The following CDH12 variants were observed in gnomAD, a reference collection of about 807,000 sequenced individuals.
CDH12 encodes the protein cadherin 12.
Under a neutral mutation model 74.1 loss-of-function variants are expected in CDH12, and 41 were observed. The observed-to-expected ratio is 0.55, with a 90% confidence interval of 0.43 to 0.72. The LOEUF is 0.72. Ranked by LOEUF, CDH12 falls within the 30% of genes least tolerant of loss-of-function variation. The pLI, the probability that CDH12 is intolerant of heterozygous loss-of-function variation, is 0.00. For synonymous variants in CDH12, 399 were observed against 355.0 expected (o/e 1.12, Z -1.39); for missense variants, 945 against 977.2 (o/e 0.97, Z 0.44).
chr5:22,517,840 A>G (rs1330765240), intron 1 of CDH12, among the ~76,000 whole-genome samples: 1 of 152,170 alleles, frequency 6.6e-6, no homozygotes, highest in Non-Finnish European at 1.5e-5. Flanking sequence ...CTAGGCAAAT[A>G]TATATTTTTT....
intron 4 of CDH12, among the ~76,000 whole-genome samples, chr5:22,102,125 G>A (rs530398412): frequency 2.2e-4 from 34 of 152,218 alleles, no homozygotes; most frequent in South Asian, 1.7e-3. Flanking sequence ...GGATATTGGC[G>A]TCAGACTTTC....
At chr5:22,097,784 A>G (rs1178028467) in intron 4 of CDH12, among the ~76,000 whole-genome samples, 2 of 151,272 alleles carry the variant, frequency 1.3e-5, no homozygotes, top group African/African-American at 4.9e-5. Context: ...ACCCCTTTCC[A>G]CCCCATTAAA....
chr5:22,338,194 T>TA (rs949742224), intron 3 of CDH12, among the ~76,000 whole-genome samples: 5 of 152,066 alleles, frequency 3.3e-5, no homozygotes, highest in African/African-American at 1.2e-4. Context: ...ATGAACTGAT[T>TA]AAAAAAATGT....
intron 1 of CDH12, among the ~76,000 whole-genome samples, chr5:22,790,376 T>G (rs1223504999): frequency 6.6e-6 from 1 of 152,088 alleles, no homozygotes; most frequent in East Asian, 1.9e-4. Flanking sequence ...AAATCAACAG[T>G]TCTCACAATT....
chr5:22,469,519 A>G (rs1745871025), intron 2 of CDH12, among the ~76,000 whole-genome samples: 1 of 138,648 alleles, frequency 7.2e-6, no homozygotes, highest in Non-Finnish European at 1.6e-5. Flanking sequence ...GCCATATTGC[A>G]TTAAGGCTCA....
chr5:21,926,463 ATC>A (rs770495708), intron 6 of CDH12, among the ~76,000 whole-genome samples: 3 of 152,108 alleles, frequency 2.0e-5, no homozygotes, highest in Non-Finnish European at 4.4e-5. Context: ...ATATCTATCT[ATC>A]TCTACCTCTC....
intron 1 of CDH12, among the ~76,000 whole-genome samples, chr5:22,733,146 C>T (rs1744517545): frequency 6.6e-6 from 1 of 151,752 alleles, no homozygotes; most frequent in Non-Finnish European, 1.5e-5. Flanking sequence ...CTTAAATGAA[C>T]TTTCAAATTA....
rs545475183 is a variant in CDH12, at chr5:21,938,723, C to CATATATATATATATATATAT, written c.526+36348_526+36367dup. ...TATAATATTTTATATATATAATATA[C>CATATATATATATATATATAT]ATATATATATATATATATATATATA... On this transcript the variant is annotated intron_variant, in intron 6 of 14. Coordinates refer to ENST00000382254, the MANE Select transcript of CDH12 (RefSeq NM_004061.5). Among the ~76,000 whole-genome samples, 437 of 111,840 alleles carry CATATATATATATATATATAT rather than the reference C, an allele frequency of 3.9e-3. 5 individuals carry two copies. The highest frequency in any genetic ancestry group is 5.9e-3 in the African/African-American group (147 of 25,076). The allele number at this position is 111,840 out of a possible 152,430, so 73.4% of individuals were successfully genotyped here. A position where few individuals can be genotyped will look rare whatever the true frequency, so the allele number is the denominator to read the frequency against.
chr5:21,752,556 G>T (rs1744158528), intron 14 of CDH12, among the ~76,000 whole-genome samples: 1 of 152,154 alleles, frequency 6.6e-6, no homozygotes, highest in African/African-American at 2.4e-5. Flanking sequence ...ACAGAAAATT[G>T]TAAGAATATA....
At chr5:22,834,822 G>A (rs1053892086) in intron 1 of CDH12, among the ~76,000 whole-genome samples, 1 of 151,780 alleles carries the variant, frequency 6.6e-6, no homozygotes, top group African/African-American at 2.4e-5. Flanking sequence ...TCTGAAAAAG[G>A]AAAGAAAAGC....
At chr5:21,776,064 A>T (rs1579679029) in intron 11 of CDH12, among the ~76,000 whole-genome samples, 1 of 152,192 alleles carries the variant, frequency 6.6e-6, no homozygotes, top group East Asian at 1.9e-4. Context: ...TCTGACATTA[A>T]GTTATAAAAA....
At chr5:22,682,879 C>T (rs1741570810) in intron 1 of CDH12, among the ~76,000 whole-genome samples, 2 of 152,056 alleles carry the variant, frequency 1.3e-5, no homozygotes, top group Non-Finnish European at 2.9e-5. Context: ...ATTTTGCTAT[C>T]TTCCAAAGTT....
intron 8 of CDH12, among the ~76,000 whole-genome samples, chr5:21,832,711 G>A (rs1249674379): frequency 2.1e-5 from 3 of 142,766 alleles, no homozygotes; most frequent in African/African-American, 5.2e-5. Flanking sequence ...TCTATTTAAT[G>A]AGTAATGGAA....
At chr5:22,596,948 A>C (rs1736633695) in intron 1 of CDH12, among the ~76,000 whole-genome samples, 1 of 152,228 alleles carries the variant, frequency 6.6e-6, no homozygotes, top group East Asian at 1.9e-4. Context: ...ATCCAGGGCC[A>C]AAGCCTGTTA....
intron 8 of CDH12, among the ~76,000 whole-genome samples, chr5:21,820,687 C>T (rs910393848): frequency 1.3e-5 from 2 of 151,922 alleles, no homozygotes; most frequent in African/African-American, 2.4e-5. Context: ...TAGGTTCTGT[C>T]GGTTTATTTC....
intron 1 of CDH12, among the ~76,000 whole-genome samples, chr5:22,718,492 AT>A (rs1743703579): frequency 6.6e-6 from 1 of 152,226 alleles, no homozygotes; most frequent in African/African-American, 2.4e-5. Flanking sequence ...AAGTAAAGGT[AT>A]TAGAAATATT....
At chr5:22,842,073 T>C (rs1408958069) in intron 1 of CDH12, among the ~76,000 whole-genome samples, 1 of 152,170 alleles carries the variant, frequency 6.6e-6, no homozygotes. Flanking sequence ...TCAAACAGGT[T>C]ATATTTGAAA....
chr5:22,779,654 C>T (rs574738916), intron 1 of CDH12, among the ~76,000 whole-genome samples: 1 of 152,086 alleles, frequency 6.6e-6, no homozygotes, highest in Non-Finnish European at 1.5e-5. Context: ...TGAGTGAGTT[C>T]TCATGAGATC....
At chr5:21,872,768 C>G (rs1751693394) in intron 6 of CDH12, among the ~76,000 whole-genome samples, 1 of 151,140 alleles carries the variant, frequency 6.6e-6, no homozygotes, top group Non-Finnish European at 1.5e-5. Flanking sequence ...GATGCCTCTG[C>G]CATGTTAAGA....
Sources: allele counts gnomAD v4.1 joint callset (sites outside exome capture counted in the v4.1 genomes callset), GRCh38; gene constraint gnomAD v4.1.1; transcripts MANE v1.5; gene names NCBI Gene and HGNC (gene_info 2026-07-23, HGNC 2026-07-21).